Variants in DENND2A observed in about 807,000 individuals in gnomAD.
The protein encoded by DENND2A is DENN domain-containing protein 2A.
Under a neutral mutation model 105.3 loss-of-function variants are expected in DENND2A, and 53 were observed. The observed-to-expected ratio is 0.50, with a 90% CI of 0.40 to 0.63. DENND2A has a LOEUF of 0.63. Among genes scored for constraint, DENND2A ranks in the 30% least tolerant of loss-of-function variants. The pLI is 0.00. For missense variants in DENND2A, 1,138 were observed against 1,279.6 expected (o/e 0.89, Z 1.69); for synonymous variants, 522 against 508.4 (o/e 1.03, Z -0.36).
chr7:140,550,511 G>C (rs1585606817), intron 12 of DENND2A, among the ~76,000 whole-genome samples: 1 of 152,174 alleles, frequency 6.6e-6, no homozygotes. Context: ...AGTAGAAATG[G>C]GGTTTCACCA....
chr7:140,566,684 A>ATGTTT (rs1797847797), intron 9 of DENND2A, among the ~76,000 whole-genome samples: 2 of 113,218 alleles, frequency 1.8e-5, no homozygotes, highest in Non-Finnish European at 3.4e-5. Context: ...TGGCCATACT[A>ATGTTT]TTTTTTTTTT....
intron 12 of DENND2A, among the ~76,000 whole-genome samples, chr7:140,550,387 C>T (rs1354110399): frequency 3.9e-5 from 6 of 151,956 alleles, no homozygotes; most frequent in Non-Finnish European, 7.4e-5. Flanking sequence ...GCCTGAGTTT[C>T]GCTGTTGTTG....
At chr7:140,604,158 C>T (rs186192518) in intron 2 of DENND2A, among the ~76,000 whole-genome samples, 173 of 152,308 alleles carry the variant, frequency 1.1e-3, no homozygotes, top group African/African-American at 4.0e-3. Context: ...CATGGAAATT[C>T]TGAAACTCCA....
chr7:140,530,548 C>A (rs1796222117), intron 14 of DENND2A, among the ~76,000 whole-genome samples: 1 of 151,704 alleles, frequency 6.6e-6, no homozygotes, highest in Admixed American at 6.6e-5. Flanking sequence ...ATGAGAAAAA[C>A]GCTACCCCAA....
intron 4 of DENND2A, among the ~76,000 whole-genome samples, chr7:140,586,726 G>C (rs1018324719): frequency 2.0e-5 from 3 of 152,166 alleles, no homozygotes; most frequent in Non-Finnish European, 4.4e-5. Context: ...GCTTTGGCAG[G>C]AGCCCATCTC....
chr7:140,592,024 C>T (rs1223182132), intron 3 of DENND2A, among the ~76,000 whole-genome samples: 11 of 112,776 alleles, frequency 9.8e-5, no homozygotes, highest in African/African-American at 3.4e-4. Context: ...CTCCCCTCCC[C>T]TCCCCTTCTT....
chr7:140,541,459 C>T (rs1279786666), intron 14 of DENND2A, among the ~76,000 whole-genome samples: 1 of 152,210 alleles, frequency 6.6e-6, no homozygotes. Context: ...GGCTGGCTTT[C>T]CACTTCTAGC....
chr7:140,572,578 T>C (rs1187587411), intron 6 of DENND2A, among the ~76,000 whole-genome samples: 1 of 151,250 alleles, frequency 6.6e-6, no homozygotes, highest in Non-Finnish European at 1.5e-5. Flanking sequence ...CTGGTCAATA[T>C]GGTGAAACCC....
chr7:140,549,088 G>A (rs1048982548), intron 12 of DENND2A, among the ~76,000 whole-genome samples: 2 of 151,580 alleles, frequency 1.3e-5, no homozygotes, highest in Non-Finnish European at 2.9e-5. Context: ...GTGGTGGCAG[G>A]CTATATTCCC....
intron 4 of DENND2A, among the ~76,000 whole-genome samples, chr7:140,587,267 C>T (rs1798819058): frequency 6.6e-6 from 1 of 152,176 alleles, no homozygotes; most frequent in African/African-American, 2.4e-5. Context: ...TAGCTTCATC[C>T]TCATTATGCA....
intron 1 of DENND2A, among the ~76,000 whole-genome samples, chr7:140,622,723 CCTTCTT>C (rs144845111): frequency 0.014 from 2,076 of 151,872 alleles, 36 homozygotes; most frequent in African/African-American, 0.046. Flanking sequence ...AATACTTTTT[CCTTCTT>C]CTTCTTCTTC....
chr7:140,541,319 T>A (rs1002424993), intron 14 of DENND2A, among the ~76,000 whole-genome samples: 1 of 151,984 alleles, frequency 6.6e-6, no homozygotes, highest in Non-Finnish European at 1.5e-5. Context: ...CCACGGCTCC[T>A]CTCCAGCTGT....
intron 5 of DENND2A, among the ~76,000 whole-genome samples, chr7:140,575,532 T>A (rs950832666): frequency 3.9e-5 from 6 of 152,190 alleles, no homozygotes; most frequent in African/African-American, 1.4e-4. Flanking sequence ...AGGAAACATA[T>A]TGTGCAAAGG....
chr7:140,628,536 CTTTTTTT>C (rs987018660), intron 1 of DENND2A, among the ~76,000 whole-genome samples: 5 of 116,138 alleles, frequency 4.3e-5, no homozygotes, highest in East Asian at 2.5e-4. Flanking sequence ...AAATTTCTTT[CTTTTTTT>C]TTTTTTTTTT....
At chr7:140,581,499 G>A (rs1798540192) in intron 5 of DENND2A, among the ~76,000 whole-genome samples, 2 of 152,124 alleles carry the variant, frequency 1.3e-5, no homozygotes, top group Admixed American at 6.5e-5. Context: ...GGATCTCTCC[G>A]CAGCTGGTGG....
chr7:140,630,018 G>A (rs1176863716), intron 1 of DENND2A, among the ~76,000 whole-genome samples: 1 of 151,830 alleles, frequency 6.6e-6, no homozygotes, highest in Non-Finnish European at 1.5e-5. Context: ...CTGCCACCAT[G>A]CCCGGCTAAT....
At chr7:140,520,229 C>T (rs1795805764) in intron 18 of DENND2A, among the ~76,000 whole-genome samples, 1 of 151,946 alleles carries the variant, frequency 6.6e-6, no homozygotes, top group Admixed American at 6.6e-5. Flanking sequence ...TCGCTTGAAC[C>T]CGGGAGGCGG....
chr7:140,518,594 C>T lies in DENND2A; in HGVS notation c.*113G>A. ...CAGCCTCGGCCAGAAGCCACCGCGG[C>T]CTCCAGTTCCGCACCGTGACAACCT... On this transcript the variant is annotated 3_prime_UTR_variant, in exon 20 of 20. Transcript: ENST00000496613. 8.9e-7 allele frequency: 1 copy of T among 1,124,088 alleles called. No homozygotes were observed. Among genetic ancestry groups the T allele is most frequent in the Admixed American group, 2.2e-5 (1 of 44,958 alleles). 69.6% of individuals were successfully genotyped at this position (1,124,088 alleles called of 1,614,324 possible).
intron 2 of DENND2A, among the ~76,000 whole-genome samples, chr7:140,605,309 T>C (rs1436116319): frequency 6.6e-6 from 1 of 152,200 alleles, no homozygotes; most frequent in African/African-American, 2.4e-5. Flanking sequence ...AAGGGCTCCA[T>C]CTGGGGAGAA....
Sources: gnomAD v4.1 joint callset for allele counts (sites outside exome capture counted in the v4.1 genomes callset) on GRCh38, gnomAD v4.1.1 for gene constraint, MANE v1.5 for transcripts, NCBI Gene and HGNC (gene_info 2026-07-23, HGNC 2026-07-21) for gene names.